Variants in ZNF423 observed in about 807,000 individuals in gnomAD.
The protein encoded by ZNF423 is Ebf-associated zinc finger protein.
A neutral mutation model predicts 95.8 loss-of-function variants in ZNF423; 12 were observed. The ratio of observed to expected loss-of-function variants is 0.13; its 90% confidence interval spans 0.08 to 0.20. The LOEUF (loss-of-function observed/expected upper bound fraction) is 0.20. ZNF423 is among the 10% of genes least tolerant of loss of function. The probability of loss-of-function intolerance (pLI) is 1.00; values close to 1 mark genes in which losing one functional copy is unlikely to be tolerated. For synonymous variants in ZNF423, 749 were observed against 711.9 expected, an observed-to-expected ratio of 1.05 and a Z score of -0.83; for missense variants, 1,316 against 1,737.1, an observed-to-expected ratio of 0.76 and a Z score of 4.31.
In ZNF423 at chr16:49,564,932, C is replaced by CG. The variant is rs1258901262; in HGVS notation, c.3602-39439dup. ...CATCTTCTAAATTCCCGGCATTCCA[C>CG]GGGTCCCTCTCCCCACTCTCCTGAT... On this transcript the variant is annotated intron_variant, in intron 5 of 7. Coordinates refer to ENST00000563137, the MANE Select transcript of ZNF423 (RefSeq NM_001379286.1). 5.9e-5 allele frequency among the ~76,000 whole-genome samples: 9 copies of CG among 152,302 alleles called. No homozygotes were observed. The East Asian group carries it at 1.7e-3, about 29-fold the overall frequency.
chr16:49,656,136 C>T (rs550351222), intron 3 of ZNF423, among the ~76,000 whole-genome samples: 7 of 152,148 alleles, frequency 4.6e-5, no homozygotes, highest in Admixed American at 2.6e-4. Context: ...GTAGGTGAGA[C>T]GGAGGACTGA....
chr16:49,761,582 C>T (rs1258598901), intron 2 of ZNF423, among the ~76,000 whole-genome samples: 2 of 152,196 alleles, frequency 1.3e-5, no homozygotes, highest in Non-Finnish European at 2.9e-5. Flanking sequence ...ATAAAAACCA[C>T]CTCCCAGGGC....
chr16:49,502,279 C>T (rs1176976822), intron 7 of ZNF423, among the ~76,000 whole-genome samples: 1 of 152,118 alleles, frequency 6.6e-6, no homozygotes, highest in Non-Finnish European at 1.5e-5. Context: ...GGATGTGGGA[C>T]TCGGTGTGGT....
chr16:49,705,111 A>G (rs544452422), intron 3 of ZNF423, among the ~76,000 whole-genome samples: 1 of 152,298 alleles, frequency 6.6e-6, no homozygotes, highest in African/African-American at 2.4e-5. Flanking sequence ...GTGGGAGGGC[A>G]CTTGGGATGG....
rs145359876 is a variant in ZNF423, at chr16:49,582,862, C to A, written c.3601+43308G>T. ...TTTAACTCACTGGAATGAATGCTAT[C>A]ACAGGATAAACCACTATCACCAAAG... On this transcript the variant is annotated intron_variant, in intron 5 of 7. Coordinates refer to ENST00000563137, the MANE Select transcript of ZNF423 (RefSeq NM_001379286.1). 1.7e-4 allele frequency among the ~76,000 whole-genome samples: 26 copies of A among 152,342 alleles called. No individual in the cohort carries two copies. In the East Asian group the frequency reaches 4.8e-3, roughly 28 times the overall value.
intron 1 of ZNF423, among the ~76,000 whole-genome samples, chr16:49,808,623 A>G (rs1168344147): frequency 3.3e-5 from 5 of 151,598 alleles, no homozygotes; most frequent in South Asian, 2.1e-4. Context: ...GCAAGGGCTG[A>G]GTGTTGCATG....
At chr16:49,593,927 G>GC (rs1000483626) in intron 5 of ZNF423, among the ~76,000 whole-genome samples, 1 of 152,064 alleles carries the variant, frequency 6.6e-6, no homozygotes, top group African/African-American at 2.4e-5. Context: ...GCTCCTCCTG[G>GC]CCCCCCATGG....
intron 1 of ZNF423, chr16:49,822,718 A>G: frequency 6.2e-7 from 1 of 1,608,454 alleles, no homozygotes; most frequent in Non-Finnish European, 8.5e-7. Context: ...GGTAAAATCC[A>G]TCCTTCTCCA....
intron 1 of ZNF423, among the ~76,000 whole-genome samples, chr16:49,827,513 CAGCTAACTTTT>C (rs2035017688): frequency 7.7e-6 from 1 of 129,588 alleles, no homozygotes; most frequent in African/African-American, 2.8e-5. Flanking sequence ...AATGAATGAA[CAGCTAACTTTT>C]TTTTTTTTTG....
intron 3 of ZNF423, among the ~76,000 whole-genome samples, chr16:49,683,650 C>A (rs191297167): frequency 2.2e-4 from 33 of 152,336 alleles, no homozygotes; most frequent in Admixed American, 2.1e-3. Flanking sequence ...GGAAGAGGGG[C>A]CCCCTGGGTG....
chr16:49,826,076 G>C, intron 1 of ZNF423, among the ~76,000 whole-genome samples: 1 of 152,172 alleles, frequency 6.6e-6, no homozygotes. Flanking sequence ...GCCAGGTGTG[G>C]TGGCATGCAC....
At chr16:49,639,162 T>C (rs1567525248) in intron 3 of ZNF423, among the ~76,000 whole-genome samples, 1 of 152,160 alleles carries the variant, frequency 6.6e-6, no homozygotes, top group African/African-American at 2.4e-5. Context: ...GGGGAGGCTC[T>C]CGGCCACTTT....
intron 1 of ZNF423, among the ~76,000 whole-genome samples, chr16:49,823,507 G>A (rs2034970454): frequency 6.6e-6 from 1 of 152,202 alleles, no homozygotes; most frequent in Admixed American, 6.5e-5. Flanking sequence ...TGTCTGAACA[G>A]GCCTGTGTTC....
intron 1 of ZNF423, among the ~76,000 whole-genome samples, chr16:49,814,174 C>G (rs1227416649): frequency 6.6e-6 from 1 of 150,962 alleles, no homozygotes. Flanking sequence ...AGGCCACAAG[C>G]CCAGCCCTCA....
intron 5 of ZNF423, among the ~76,000 whole-genome samples, chr16:49,597,377 C>G (rs973681533): frequency 1.4e-4 from 21 of 152,290 alleles, no homozygotes; most frequent in Admixed American, 5.2e-4. Flanking sequence ...GTCCAAAATA[C>G]ACACCATATT....
chr16:49,859,193 C>T (rs1207261182), upstream of ZNF423, among the ~76,000 whole-genome samples: 1 of 152,124 alleles, frequency 6.6e-6, no homozygotes, highest in Non-Finnish European at 1.5e-5. Context: ...CCCCTAGGGG[C>T]CTGCTGAAGA....
At chr16:49,639,004 G>A in intron 3 of ZNF423, 130 bp from the exon 4 acceptor site, 1 of 1,440,756 alleles carries the variant, frequency 6.9e-7, no homozygotes, top group Non-Finnish European at 9.1e-7. Context: ...GGGGCTGTGG[G>A]GAGGGGCAGG....
rs1162788656 is a variant in ZNF423, at chr16:49,635,623, G to A, written c.3516+37C>T. On this transcript the variant is annotated intron_variant, in intron 4 of 7. Coordinates refer to ENST00000563137, the MANE Select transcript of ZNF423 (RefSeq NM_001379286.1). This position sits in a 1 kb window ranked among gnomAD's most constrained non-coding sequence, Gnocchi z 4.8. ...GTGGGGACCAGAGGAGCCCCAAGGA[G>A]AGGAGCAGGGAGCAGGATGAGGTGG... 1 of 1,513,090 alleles carries A rather than the reference G, an allele frequency of 6.6e-7. No individual in the cohort carries two copies. Among genetic ancestry groups the A allele is most frequent in the African/African-American group, 1.4e-5 (1 of 71,510 alleles). 93.7% of individuals were successfully genotyped at this position (1,513,090 alleles called of 1,614,324 possible).
chr16:49,563,812 C>A lies in ZNF423; in HGVS notation c.3602-38318G>T, dbSNP rs545551411. Among the ~76,000 whole-genome samples the A allele has an allele frequency of 1.8e-4, 27 of 152,326 alleles. 1 individual carries two copies. In the South Asian group the frequency reaches 5.6e-3, roughly 32 times the overall value. ...CCACTGGTATGGCCAGCTCAGGAAT[C>A]CAAGAAAACATCTGTGACCTGATTG... is the stretch of plus-strand genomic sequence containing the variant. On this transcript the variant is annotated intron_variant, in intron 5 of 7. Coordinates refer to ENST00000563137, the MANE Select transcript of ZNF423 (RefSeq NM_001379286.1).
Sources: gnomAD v4.1 joint callset for allele counts (sites outside exome capture counted in the v4.1 genomes callset) on GRCh38, gnomAD v4.1.1 for gene constraint, Gnocchi (gnomAD v3.1) non-coding constraint, MANE v1.5 for transcripts, NCBI Gene and HGNC (gene_info 2026-07-23, HGNC 2026-07-21) for gene names.